ACAT1: variants seen among roughly 807,000 people sequenced by gnomAD.
ACAT1 encodes acetyl-CoA acetyltransferase 1, also known as acetyl-CoA acetyltransferase, mitochondrial.
ACAT1 carries 28 observed loss-of-function variants against 47.3 expected under a neutral mutation model. The ratio of observed to expected loss-of-function variants is 0.59; its 90% CI spans 0.44 to 0.81. The LOEUF (loss-of-function observed/expected upper bound fraction) is 0.81, where lower values mean the gene tolerates loss of function less well. Among genes scored for constraint, ACAT1 ranks in the 30% least tolerant of loss-of-function variants. ACAT1 has a pLI of 0.00. For synonymous variants in ACAT1, 181 were observed against 173.6 expected (o/e 1.04, Z -0.34); for missense variants, 469 against 524.3 (o/e 0.89, Z 1.03).
upstream of ACAT1, among the ~76,000 whole-genome samples, chr11:108,119,992 G>A (rs920603493): frequency 1.4e-4 from 22 of 152,178 alleles, no homozygotes; most frequent in Non-Finnish European, 1.3e-4. Context: ...TAGTGGGGGC[G>A]GATTGCGTGA....
chr11:108,144,137 C>T (rs548607561), intron 10 of ACAT1, 90 bp downstream of exon 10: 113 of 1,426,398 alleles, frequency 7.9e-5, no homozygotes, highest in Non-Finnish European at 1.1e-4. Flanking sequence ...TAAATGTTAT[C>T]TGCCAAAGCA....
At chr11:108,122,430 T>C (rs1396995433) in intron 1 of ACAT1, among the ~76,000 whole-genome samples, 3 of 152,254 alleles carry the variant, frequency 2.0e-5, no homozygotes, top group Non-Finnish European at 2.9e-5. Flanking sequence ...TTGGTGAAGC[T>C]TGAGTTTTCT....
intron 11 of ACAT1, 59 bp downstream of exon 11, chr11:108,146,418 C>T: frequency 6.4e-7 from 1 of 1,573,344 alleles, no homozygotes; most frequent in Non-Finnish European, 8.7e-7. Flanking sequence ...TCTAGCTAAA[C>T]TTAAAACTGC....
Position 108,139,017 on chromosome 11 carries a change from T to C in ACAT1, c.555T>C (p.Thr185=). 11 of 1,614,166 alleles carry C rather than the reference T, an allele frequency of 6.8e-6. No individual in the cohort carries two copies. The highest frequency in any genetic ancestry group is 9.3e-6 in the Non-Finnish European group (11 of 1,180,028). The stretch of plus-strand genomic sequence containing the variant: ...ATTTGATTGTAAAAGACGGGCTAAC[T>C]GATGTCTACAATAAAATTCATATGG... The part of the protein sequence containing the change: ...LEDLIVKDGL[T]DVYNKIHMGS... The change falls in exon 6 of 12, where the codon ACT becomes ACC. Residue 185 remains threonine, a synonymous_variant. Coordinates refer to ENST00000265838, the MANE Select transcript of ACAT1 (RefSeq NM_000019.4).
At chr11:108,124,730 C>A (rs1472992381) in intron 1 of ACAT1, among the ~76,000 whole-genome samples, 1 of 152,184 alleles carries the variant, frequency 6.6e-6, no homozygotes, top group Non-Finnish European at 1.5e-5. Flanking sequence ...AGTTCTGTGG[C>A]CTCAGCTGCT....
intron 9 of ACAT1, chr11:108,142,761 C>A (rs1156503157): frequency 1.5e-5 from 8 of 537,242 alleles, no homozygotes; most frequent in Non-Finnish European, 2.4e-5. Flanking sequence ...GCCTTGAGCC[C>A]AGGAGTTTGA....
At position 108,140,154 on chromosome 11, in the gene ACAT1, A is replaced by C. The variant is rs766041460; in HGVS notation, c.669A>C (p.Lys223Asn). 1 of 1,614,194 alleles carries C rather than the reference A, an allele frequency of 6.2e-7. No individual in the cohort carries two copies. Among genetic ancestry groups the C allele is most frequent in the Non-Finnish European group, 8.5e-7 (1 of 1,180,026 alleles). ...CTATTAATTCTTATACCAGAAGTAA[A>C]GCAGCATGGGAAGCTGGGAAATTTG... Reference protein sequence around the residue: ...AYAINSYTRSKAAWEAGKFGN... With the variant: ...AYAINSYTRSNAAWEAGKFGN... Residue 223 changes from lysine to asparagine, a missense_variant, in exon 7 of 12, where the codon AAA becomes AAC. Coordinates refer to ENST00000265838, the MANE Select transcript of ACAT1 (RefSeq NM_000019.4).
upstream of ACAT1, among the ~76,000 whole-genome samples, chr11:108,119,263 G>A (rs2077109736): frequency 6.6e-6 from 1 of 151,876 alleles, no homozygotes; most frequent in Non-Finnish European, 1.5e-5. Flanking sequence ...GAGTGCAGTG[G>A]TGTGATCTCA....
rs1280423996 is a variant in ACAT1, at chr11:108,142,547, G to C, written c.937G>C (p.Val313Leu). Residue 313 changes from valine to leucine, a missense_variant, in exon 9 of 12, where the codon GTA becomes CTA. Transcript: ENST00000265838. The part of the protein sequence containing the change: ...RLNVTPLARI[V>L]AFADAAVEPI... ...CAATGTTACACCACTGGCAAGAATA[G>C]TAGGTAAGGCCAGGCGAGGTGGCTC... 6.2e-7 allele frequency: 1 copy of C among 1,613,646 alleles called. No homozygotes were observed. Among genetic ancestry groups the C allele is most frequent in the South Asian group, 1.1e-5 (1 of 91,066 alleles).
In ACAT1 at chr11:108,146,695, C is replaced by T. The variant is rs553078172; in HGVS notation, c.1163+336C>T. 1.2e-4 allele frequency among the ~76,000 whole-genome samples: 18 copies of T among 152,272 alleles called. 1 individual carries two copies. The South Asian group carries it at 3.5e-3, about 30-fold the overall frequency. On this transcript the variant is annotated intron_variant, in intron 11 of 11. Transcript: ENST00000265838. ...ATAGTGGTGGGGGCTGATTTCAGTG[C>T]ACCTGTCAGTCACCCAATATGTAGT...
upstream of ACAT1, among the ~76,000 whole-genome samples, chr11:108,121,098 G>A (rs2077140063): frequency 6.6e-6 from 1 of 151,860 alleles, no homozygotes; most frequent in South Asian, 2.1e-4. Flanking sequence ...CTACTGGGAT[G>A]GCTGGGGAGG....
chr11:108,139,532 C>T (rs2077543245), intron 6 of ACAT1, among the ~76,000 whole-genome samples: 1 of 151,204 alleles, frequency 6.6e-6, no homozygotes, highest in African/African-American at 2.4e-5. Context: ...GTGGAGGTTG[C>T]ATTGAGCCAA....
chr11:108,142,626 C>G, intron 9 of ACAT1, 76 bp downstream of exon 9: 13 of 1,248,008 alleles, frequency 1.0e-5, no homozygotes, highest in Non-Finnish European at 1.5e-5. Flanking sequence ...TGCTTGAGCC[C>G]CGGAGTTCGA....
intron 10 of ACAT1, 157 bp from the exon 11 acceptor site, chr11:108,146,045 A>G (rs543646704): frequency 0.029 from 4,106 of 140,786 alleles, 14 homozygotes; most frequent in Non-Finnish European, 0.045. Context: ...AGACTGTTGG[A>G]AAAAAAAAAA....
chr11:108,132,051 A>G, intron 2 of ACAT1, 97 bp downstream of exon 2: 1 of 778,600 alleles, frequency 1.3e-6, no homozygotes, highest in Non-Finnish European at 2.2e-6. Flanking sequence ...TGAAAGTCAA[A>G]GCAGGATTAT....
chr11:108,146,839 TGG>T (rs2077722541), intron 11 of ACAT1, among the ~76,000 whole-genome samples: 1 of 152,212 alleles, frequency 6.6e-6, no homozygotes, highest in Non-Finnish European at 1.5e-5. Context: ...CCTAGCACTT[TGG>T]GAGGCTGAGG....
rs754411997 is a variant in ACAT1 at position 108,121,594 on chromosome 11, G to T, written c.-13G>T. ...TCTACGCCTGTGGAGCCGATACTCA[G>T]CCCTCTGCGACCATGGCTGTGCTGG... On this transcript the variant is annotated 5_prime_UTR_variant, in exon 1 of 12. Coordinates refer to ENST00000265838, the MANE Select transcript of ACAT1 (RefSeq NM_000019.4). 45 of 1,550,278 alleles carry T rather than the reference G, an allele frequency of 2.9e-5. 1 individual carries two copies. Among genetic ancestry groups the T allele is most frequent in the Admixed American group, 2.0e-5 (1 of 51,038 alleles).
upstream of ACAT1, among the ~76,000 whole-genome samples, chr11:108,117,792 T>C (rs1320400190): frequency 6.6e-6 from 1 of 152,258 alleles, no homozygotes; most frequent in Non-Finnish European, 1.5e-5. Flanking sequence ...TAAATGTTTT[T>C]AATTTTCCAC....
chr11:108,123,063 A>C (rs1262593388), intron 1 of ACAT1, among the ~76,000 whole-genome samples: 1 of 130,656 alleles, frequency 7.7e-6, no homozygotes, highest in Non-Finnish European at 1.7e-5. Context: ...CACCTCTATT[A>C]AAAATACACA....
Sources: allele counts gnomAD v4.1 joint callset (sites outside exome capture counted in the v4.1 genomes callset), GRCh38; gene constraint gnomAD v4.1.1; transcripts MANE v1.5; gene names NCBI Gene and HGNC (gene_info 2026-07-23, HGNC 2026-07-21).